Variants in PTPRG observed in about 807,000 individuals in gnomAD.
The protein encoded by PTPRG is receptor-type tyrosine-protein phosphatase gamma.
A neutral mutation model predicts 165.3 loss-of-function variants in PTPRG; 102 were observed. The observed-to-expected ratio is 0.62, with a 90% CI of 0.53 to 0.73. The LOEUF is 0.73. Among genes scored for constraint, PTPRG ranks in the 30% least tolerant of loss-of-function variants. The probability of loss-of-function intolerance (pLI) is 0.00; values close to 1 mark genes in which losing one functional copy is unlikely to be tolerated. For synonymous variants in PTPRG, 675 were observed against 669.5 expected (o/e 1.01, Z -0.13); for missense variants, 1,866 against 1,861.4 (o/e 1.00, Z -0.05).
intron 1 of PTPRG, among the ~76,000 whole-genome samples, chr3:61,611,577 G>A (rs1312617638): frequency 6.6e-6 from 1 of 152,144 alleles, no homozygotes; most frequent in African/African-American, 2.4e-5. Flanking sequence ...TTTCTAGTGG[G>A]CCTTCAGTTT....
At chr3:61,962,625 C>T (rs182064316) in intron 2 of PTPRG, among the ~76,000 whole-genome samples, 23 of 152,240 alleles carry the variant, frequency 1.5e-4, no homozygotes, top group Non-Finnish European at 2.8e-4. Context: ...AAAGCGGGAA[C>T]GTATTTATTG....
chr3:61,785,217 TA>T (rs1246247577), intron 2 of PTPRG, among the ~76,000 whole-genome samples: 2 of 152,188 alleles, frequency 1.3e-5, no homozygotes, highest in Admixed American at 6.5e-5. Context: ...ATGATGCTCT[TA>T]GGGGGAGGAC....
intron 5 of PTPRG, among the ~76,000 whole-genome samples, chr3:62,103,401 T>C (rs1702361308): frequency 6.6e-6 from 1 of 152,214 alleles, no homozygotes; most frequent in Admixed American, 6.5e-5. Flanking sequence ...CTAGAATTCT[T>C]CTAAAGGAAT....
chr3:61,737,665 C>G (rs998689871), intron 1 of PTPRG, among the ~76,000 whole-genome samples: 4 of 152,010 alleles, frequency 2.6e-5, no homozygotes, highest in Non-Finnish European at 5.9e-5. Context: ...GAGGTCCACC[C>G]CCTTCATGAT....
rs532356516 is a variant in PTPRG at position 61,866,582 on chromosome 3, CTTTTTTTTTTTTTTTTTTT to C, written c.190+117618_190+117636del. ...TTCCCTGGCTTTGGAACTGTTTGCT[CTTTTTTTTTTTTTTTTTTT>C]TTTTTTTTTTTTTTTTTGAGACGGA... On this transcript the variant is annotated intron_variant, in intron 2 of 29. Coordinates refer to ENST00000474889, the MANE Select transcript of PTPRG (RefSeq NM_002841.4). Among the ~76,000 whole-genome samples, 121 of 69,110 alleles carry C rather than the reference CTTTTTTTTTTTTTTTTTTT, an allele frequency of 1.8e-3. 1 individual carries two copies. The highest frequency in any genetic ancestry group is 0.012 in the East Asian group (22 of 1,772). 45.3% of individuals were successfully genotyped at this position (69,110 alleles called of 152,430 possible). A position where few individuals can be genotyped will look rare whatever the true frequency, so the allele number is the denominator to read the frequency against.
intron 4 of PTPRG, among the ~76,000 whole-genome samples, chr3:62,021,931 C>T (rs2107762500): frequency 7.1e-6 from 1 of 140,212 alleles, no homozygotes; most frequent in Admixed American, 7.4e-5. Context: ...TTTTTCCCTT[C>T]CCCCTCAAAA....
chr3:61,846,318 G>T (rs942664949), intron 2 of PTPRG, among the ~76,000 whole-genome samples: 1 of 152,238 alleles, frequency 6.6e-6, no homozygotes, highest in Non-Finnish European at 1.5e-5. Context: ...CTTCCTATAA[G>T]AAGCAGCTAG....
chr3:61,641,032 C>G (rs1702045128), intron 1 of PTPRG, among the ~76,000 whole-genome samples: 1 of 152,094 alleles, frequency 6.6e-6, no homozygotes, highest in Admixed American at 6.6e-5. Context: ...TAGAAGATGT[C>G]CAGGCAGGTT....
chr3:61,603,957 C>T (rs916657630), intron 1 of PTPRG, among the ~76,000 whole-genome samples: 16 of 152,202 alleles, frequency 1.1e-4, no homozygotes, highest in Non-Finnish European at 7.3e-5. Flanking sequence ...GACCCTATTT[C>T]CAAATCATGT....
chr3:62,253,434 G>A (rs1007148334), intron 15 of PTPRG, among the ~76,000 whole-genome samples: 6 of 152,128 alleles, frequency 3.9e-5, no homozygotes, highest in African/African-American at 1.4e-4. Flanking sequence ...TGGTTAGGTT[G>A]TGTCCCATCT....
chr3:61,661,298 T>G (rs1271049608), intron 1 of PTPRG, among the ~76,000 whole-genome samples: 1 of 137,130 alleles, frequency 7.3e-6, no homozygotes, highest in Non-Finnish European at 1.5e-5. Context: ...CTCTGTCATC[T>G]TACTATTTTT....
rs961861601 is a variant in PTPRG at position 61,737,775 on chromosome 3, A to G, written c.86-11103A>G. ...TTGTGCATTCAGGGTGTTTTCTACC[A>G]TCTACCATGTTTAGGGATTATCTTG... On this transcript the variant is annotated intron_variant, in intron 1 of 29. Transcript: ENST00000474889. Among the ~76,000 whole-genome samples the G allele has an allele frequency of 7.3e-5, 11 of 151,692 alleles. No individual in the cohort carries two copies. The South Asian group carries it at 1.9e-3, about 26-fold the overall frequency.
intron 1 of PTPRG, among the ~76,000 whole-genome samples, chr3:61,734,893 C>T: frequency 6.6e-6 from 1 of 152,144 alleles, no homozygotes; most frequent in East Asian, 1.9e-4. Flanking sequence ...CTGAAACTTT[C>T]AATTTTGAAT....
intron 3 of PTPRG, among the ~76,000 whole-genome samples, chr3:61,997,722 A>G (rs2041074352): frequency 6.6e-6 from 1 of 151,954 alleles, no homozygotes; most frequent in South Asian, 2.1e-4. Flanking sequence ...TGATTTACCC[A>G]CCTTTTTCTG....
chr3:62,078,294 C>G lies in PTPRG; in HGVS notation c.615+36C>G, dbSNP rs762633830. 7.0e-6 allele frequency: 10 copies of G among 1,421,876 alleles called. No homozygotes were observed. In the South Asian group the frequency reaches 1.3e-4, roughly 18 times the overall value. 88.1% of individuals were successfully genotyped at this position (1,421,876 alleles called of 1,614,324 possible). On this transcript the variant is annotated intron_variant, in intron 5 of 29. Coordinates refer to ENST00000474889, the MANE Select transcript of PTPRG (RefSeq NM_002841.4). ...AGTGGCTGAAGTACTTCAAAGAATTCTTTGAGTATTTTTTTTAATTTGCCG... is the reference window on the plus strand; with the variant it reads ...AGTGGCTGAAGTACTTCAAAGAATTGTTTGAGTATTTTTTTTAATTTGCCG...
At chr3:61,665,547 T>C (rs1474666665) in intron 1 of PTPRG, among the ~76,000 whole-genome samples, 2 of 151,824 alleles carry the variant, frequency 1.3e-5, no homozygotes, top group Non-Finnish European at 2.9e-5. Context: ...GGCTGGGTTC[T>C]GGTAAAAGGG....
chr3:62,035,933 T>A lies in PTPRG; in HGVS notation c.519+32436T>A, dbSNP rs549856894. Among the ~76,000 whole-genome samples, 3 of 152,038 alleles carry A rather than the reference T, an allele frequency of 2.0e-5. No individual in the cohort carries two copies. In the South Asian group the frequency reaches 6.2e-4, roughly 32 times the overall value. On this transcript the variant is annotated intron_variant, in intron 4 of 29. Transcript: ENST00000474889. ...AGCACTGTTAATTTTTAACTGTAGGTTTTATGGGTGAAGAATTGATGTCGC... is the reference window on the plus strand; with the variant it reads ...AGCACTGTTAATTTTTAACTGTAGGATTTATGGGTGAAGAATTGATGTCGC...
intron 1 of PTPRG, among the ~76,000 whole-genome samples, chr3:61,731,248 G>T (rs757248716): frequency 6.6e-6 from 1 of 152,074 alleles, no homozygotes; most frequent in Non-Finnish European, 1.5e-5. Context: ...GATAGGTAGA[G>T]AATTGAAAGA....
At chr3:62,124,618 G>A (rs778048408) in intron 5 of PTPRG, 37 of 147,034 alleles carry the variant, frequency 2.5e-4, no homozygotes, top group Non-Finnish European at 3.3e-4. Context: ...TGCTGACCGC[G>A]AGGGAAGGTG....
Sources: allele counts gnomAD v4.1 joint callset (sites outside exome capture counted in the v4.1 genomes callset), GRCh38; gene constraint gnomAD v4.1.1; transcripts MANE v1.5; gene names NCBI Gene and HGNC (gene_info 2026-07-23, HGNC 2026-07-21).